TMEM244: variants seen among roughly 807,000 people sequenced by gnomAD.
TMEM244 encodes the protein transmembrane protein 244.
A neutral mutation model predicts 15.8 loss-of-function variants in TMEM244; 13 were observed. The ratio of observed to expected loss-of-function variants is 0.82; its 90% confidence interval spans 0.53 to 1.30. TMEM244 has a LOEUF of 1.30. Ranked by LOEUF, TMEM244 falls within the 50% of genes most tolerant of loss-of-function variation. The probability of loss-of-function intolerance (pLI) is 0.00; values close to 1 mark genes in which losing one functional copy is unlikely to be tolerated. For synonymous variants in TMEM244, 45 were observed against 48.7 expected, an observed-to-expected ratio of 0.92 and a Z score of 0.32; for missense variants, 161 against 144.9, an observed-to-expected ratio of 1.11 and a Z score of -0.57.
intron 3 of TMEM244, among the ~76,000 whole-genome samples, chr6:129,836,926 T>C (rs1776416803): frequency 6.6e-6 from 1 of 151,998 alleles, no homozygotes; most frequent in Non-Finnish European, 1.5e-5. Flanking sequence ...TAGGACTGTG[T>C]GAAAAGACCA....
Position 129,855,671 on chromosome 6 carries a change from G to A in TMEM244, c.33+5485C>T, listed in dbSNP as rs141596201. 3.9e-5 allele frequency among the ~76,000 whole-genome samples: 6 copies of A among 152,164 alleles called. No individual in the cohort carries two copies. The East Asian group carries it at 9.6e-4, about 24-fold the overall frequency. ...TAACCTACTCTGAATTTGTCTGATG[G>A]TTTCCTCATGATCAGATTCTTCGGA... On this transcript the variant is annotated intron_variant, in intron 1 of 4. Transcript: ENST00000368143.
chr6:129,847,126 G>GA (rs1277331935), intron 1 of TMEM244, among the ~76,000 whole-genome samples: 1 of 151,894 alleles, frequency 6.6e-6, no homozygotes, highest in African/African-American at 2.4e-5. Context: ...CAAACCAATA[G>GA]AAAAATGGAC....
intron 4 of TMEM244, among the ~76,000 whole-genome samples, chr6:129,833,257 A>T (rs942168271): frequency 4.6e-5 from 7 of 152,156 alleles, no homozygotes; most frequent in Non-Finnish European, 7.4e-5. Context: ...AAACGCTTTT[A>T]AAAAAGTTAA....
intron 3 of TMEM244, among the ~76,000 whole-genome samples, chr6:129,839,406 C>T (rs889296443): frequency 6.6e-6 from 1 of 152,128 alleles, no homozygotes; most frequent in South Asian, 2.1e-4. Flanking sequence ...TCTCAATAAA[C>T]TAGGTATTGA....
Position 129,861,179 on chromosome 6 carries a change from G to A in TMEM244, c.10C>T (p.Gln4Ter), listed in dbSNP as rs1233386510. ...ACCTTGCTTGGAGCAACTCTGACCT[G>A]GAGAGCCATGTACACATCCTACGTC... The part of the protein sequence containing the change: MAL[Q>*]VRVAPSKVVL... Residue 4 changes from glutamine to a stop codon, truncating the protein, a stop_gained, in exon 1 of 5, where the codon CAG (glutamine) becomes TAG (stop). Coordinates refer to ENST00000368143, the MANE Select transcript of TMEM244 (RefSeq NM_001010876.2). LOFTEE classifies it high-confidence loss of function. 2 of 1,613,824 alleles carry A rather than the reference G, an allele frequency of 1.2e-6. No individual in the cohort carries two copies. Among genetic ancestry groups the A allele is most frequent in the Admixed American group, 1.7e-5 (1 of 59,998 alleles).
At chr6:129,838,998 G>A (rs1016725489) in intron 3 of TMEM244, among the ~76,000 whole-genome samples, 1 of 152,150 alleles carries the variant, frequency 6.6e-6, no homozygotes, top group African/African-American at 2.4e-5. Flanking sequence ...TCTACCAGAG[G>A]TACAAAGAGG....
chr6:129,839,201 C>T (rs1776451548), intron 3 of TMEM244, among the ~76,000 whole-genome samples: 1 of 152,168 alleles, frequency 6.6e-6, no homozygotes, highest in African/African-American at 2.4e-5. Context: ...CAAACCGAAT[C>T]CAGCAGCACA....
rs146111424 is a variant in TMEM244 at position 129,856,472 on chromosome 6, C to T, written c.33+4684G>A. Among the ~76,000 whole-genome samples the T allele has an allele frequency of 1.7e-3, 262 of 152,172 alleles. 2 individuals are homozygous for T. The highest frequency in any genetic ancestry group is 2.9e-3 in the Non-Finnish European group (195 of 67,976). ...TAAGTATTCTTAGCACACATGCATG[C>T]ACACACAGGAAACTATCAAAGAAAC... On this transcript the variant is annotated intron_variant, in intron 1 of 4. Coordinates refer to ENST00000368143, the MANE Select transcript of TMEM244 (RefSeq NM_001010876.2).
chr6:129,849,558 G>A (rs1297358941), intron 1 of TMEM244, among the ~76,000 whole-genome samples: 2 of 152,122 alleles, frequency 1.3e-5, no homozygotes, highest in Non-Finnish European at 2.9e-5. Flanking sequence ...GTAGGATGCA[G>A]TTGAGCTGTT....
chr6:129,860,466 A>G (rs947659104), intron 1 of TMEM244, among the ~76,000 whole-genome samples: 1 of 152,158 alleles, frequency 6.6e-6, no homozygotes, highest in Non-Finnish European at 1.5e-5. Flanking sequence ...GGAAATACAC[A>G]CGGTGCTGAT....
At chr6:129,832,113 T>TC (rs55963278) in intron 4 of TMEM244, among the ~76,000 whole-genome samples, 1 of 150,618 alleles carries the variant, frequency 6.6e-6, no homozygotes, top group Non-Finnish European at 1.5e-5. Flanking sequence ...TTTTTTTTTT[T>TC]CTGAGACAGA....
At chr6:129,834,674 G>A (rs1373183505) in intron 3 of TMEM244, among the ~76,000 whole-genome samples, 3 of 152,108 alleles carry the variant, frequency 2.0e-5, no homozygotes, top group Non-Finnish European at 2.9e-5. Flanking sequence ...AACTTAACAC[G>A]TTTCAAAAGT....
chr6:129,841,149 C>T (rs1776483950), intron 3 of TMEM244, among the ~76,000 whole-genome samples: 1 of 152,092 alleles, frequency 6.6e-6, no homozygotes, highest in Non-Finnish European at 1.5e-5. Flanking sequence ...GCACTATTCA[C>T]ATAGCAAAGA....
intron 4 of TMEM244, among the ~76,000 whole-genome samples, chr6:129,832,964 C>T (rs760978900): frequency 2.6e-5 from 4 of 152,094 alleles, no homozygotes; most frequent in Non-Finnish European, 5.9e-5. Flanking sequence ...GCAAACCTTG[C>T]CCAGTTGGTG....
At chr6:129,838,910 C>T (rs962039695) in intron 3 of TMEM244, among the ~76,000 whole-genome samples, 3 of 152,068 alleles carry the variant, frequency 2.0e-5, no homozygotes, top group African/African-American at 4.8e-5. Context: ...AGACCAATAA[C>T]AGGTTCTGAA....
chr6:129,836,367 G>T (rs1424727688), intron 3 of TMEM244, among the ~76,000 whole-genome samples: 1 of 152,112 alleles, frequency 6.6e-6, no homozygotes, highest in Non-Finnish European at 1.5e-5. Context: ...GAAAAAAATA[G>T]CAACAAGATC....
intron 3 of TMEM244, among the ~76,000 whole-genome samples, chr6:129,834,586 G>A (rs1008379823): frequency 2.6e-5 from 4 of 152,140 alleles, no homozygotes; most frequent in East Asian, 1.9e-4. Flanking sequence ...GTCGGTAAGC[G>A]AGACACCAAG....
intron 1 of TMEM244, among the ~76,000 whole-genome samples, chr6:129,853,953 C>T (rs1302612326): frequency 1.3e-5 from 2 of 152,214 alleles, no homozygotes; most frequent in Admixed American, 6.5e-5. Context: ...GTTCATTCCA[C>T]TCTCCTGGAG....
At chr6:129,850,456 C>CTTGTGGGG (rs1776622822) in intron 1 of TMEM244, among the ~76,000 whole-genome samples, 1 of 152,030 alleles carries the variant, frequency 6.6e-6, no homozygotes, top group Non-Finnish European at 1.5e-5. Flanking sequence ...GAATGGATAA[C>CTTGTGGGG]TTGTGGGGGG....
Sources: gnomAD v4.1 joint callset for allele counts (sites outside exome capture counted in the v4.1 genomes callset) on GRCh38, gnomAD v4.1.1 for gene constraint, MANE v1.5 for transcripts, NCBI Gene and HGNC (gene_info 2026-07-23, HGNC 2026-07-21) for gene names.